TRIM16: variants seen among roughly 807,000 people sequenced by gnomAD.
The protein encoded by TRIM16 is tripartite motif-containing protein 16.
Under a neutral mutation model 50.4 loss-of-function variants are expected in TRIM16, and 33 were observed. The ratio of observed to expected loss-of-function variants is 0.65; its 90% CI spans 0.50 to 0.88. The LOEUF (loss-of-function observed/expected upper bound fraction) is 0.88, where lower values mean the gene tolerates loss of function less well. TRIM16 is among the 40% of genes least tolerant of loss of function. The pLI, the probability that TRIM16 is intolerant of heterozygous loss-of-function variation, is 0.00. For missense variants in TRIM16, 581 were observed against 686.8 expected, an observed-to-expected ratio of 0.85 and a Z score of 1.72; for synonymous variants, 229 against 270.7, an observed-to-expected ratio of 0.85 and a Z score of 1.51.
chr17:15,673,404 TA>T (rs1429927624), intron 6 of TRIM16, among the ~76,000 whole-genome samples: 1 of 152,206 alleles, frequency 6.6e-6, no homozygotes, highest in African/African-American at 2.4e-5. Flanking sequence ...CAAGCTGTAC[TA>T]ACACCGACTT....
At chr17:15,646,923 C>T (rs975752466) in intron 7 of TRIM16, among the ~76,000 whole-genome samples, 3 of 152,026 alleles carry the variant, frequency 2.0e-5, no homozygotes, top group South Asian at 2.1e-4. Context: ...AAACAAGTTA[C>T]GTAATACTGA....
chr17:15,635,587 G>A (rs1376895998), intron 9 of TRIM16, among the ~76,000 whole-genome samples: 6 of 120,002 alleles, frequency 5.0e-5, no homozygotes, highest in Admixed American at 1.7e-4. Flanking sequence ...CTGCTGGAGC[G>A]GTTTATAAAA....
chr17:15,665,482 C>G (rs1988458323), intron 6 of TRIM16, among the ~76,000 whole-genome samples: 1 of 152,034 alleles, frequency 6.6e-6, no homozygotes, highest in Non-Finnish European at 1.5e-5. Context: ...GCACTCCAGC[C>G]TAGGCGAGAG....
Position 15,683,145 on chromosome 17 carries a change from A to G in TRIM16, c.-886T>C. 1 of 1,548,822 alleles carries G rather than the reference A, an allele frequency of 6.5e-7. No homozygotes were observed. The highest frequency in any genetic ancestry group is 1.2e-5 in the South Asian group (1 of 83,878). ...ACGTATCTTCCTGGAAATTGCCAGC[A>G]TTCTACCAGAAACTGTGGTAAGAGG... On this transcript the variant is annotated 5_prime_UTR_variant, in exon 2 of 12. It removes an upstream start codon present in the reference 5' UTR. Transcript: ENST00000649191.
chr17:15,670,413 C>T (rs1988674967), intron 6 of TRIM16, among the ~76,000 whole-genome samples: 3 of 152,262 alleles, frequency 2.0e-5, no homozygotes, highest in South Asian at 2.1e-4. Flanking sequence ...TCCCCCACGT[C>T]GAAGCGTCCC....
At chr17:15,641,153 CCTAA>C (rs1168535669) in intron 8 of TRIM16, among the ~76,000 whole-genome samples, 1 of 147,862 alleles carries the variant, frequency 6.8e-6, no homozygotes, top group African/African-American at 2.5e-5. Flanking sequence ...GGCCCTCATT[CCTAA>C]ACCCTCCCAT....
rs767477577 is a variant in TRIM16, at chr17:15,636,278, G to C, written c.616-9C>G. ...ACCTCTGACACCGACACCTGGCAGGGGGTGGGGGTGGAAGGCAGCCAAACA... is the reference window on the plus strand; with the variant it reads ...ACCTCTGACACCGACACCTGGCAGGCGGTGGGGGTGGAAGGCAGCCAAACA... On this transcript the variant is annotated splice_polypyrimidine_tract_variant and intron_variant, in intron 8 of 11. Transcript: ENST00000649191. The C allele has an allele frequency of 6.2e-7, 1 of 1,607,958 alleles. No homozygotes were observed. The highest frequency in any genetic ancestry group is 1.4e-5 in the African/African-American group (1 of 73,692).
At chr17:15,668,516 G>A (rs965166170) in intron 6 of TRIM16, among the ~76,000 whole-genome samples, 1 of 152,142 alleles carries the variant, frequency 6.6e-6, no homozygotes, top group African/African-American at 2.4e-5. Flanking sequence ...GGTCTTGTAT[G>A]ATCTGAGCCA....
At chr17:15,651,033 G>T in intron 7 of TRIM16, 58 bp downstream of exon 7, 7 of 1,557,428 alleles carry the variant, frequency 4.5e-6, no homozygotes, top group Non-Finnish European at 6.1e-6. Flanking sequence ...GCAGCCAGCT[G>T]GGCACACCAT....
intron 6 of TRIM16, among the ~76,000 whole-genome samples, chr17:15,663,862 C>G (rs951269149): frequency 3.9e-5 from 6 of 152,184 alleles, no homozygotes; most frequent in Non-Finnish European, 8.8e-5. Context: ...AGATGCAGTG[C>G]TGTCATCAGC....
Position 15,651,137 on chromosome 17 carries a change from C to T in TRIM16, c.473G>A (p.Ser158Asn), listed in dbSNP as rs1222151822. The T allele has an allele frequency of 1.2e-6, 2 of 1,614,074 alleles. No homozygotes were observed. Among genetic ancestry groups the T allele is most frequent in the Non-Finnish European group, 1.7e-6 (2 of 1,179,982 alleles). ...ATCCAGGGAGACTATGGTGTGGCCA[C>T]TGTGCTCCTGGCAACAGTCCTGGCA... The part of the protein sequence containing the change: ...CICQDCCQEH[S>N]GHTIVSLDAA... Residue 158 changes from serine to asparagine, a missense_variant, in exon 7 of 12, where the codon AGT becomes AAT. Ser to Asn is a conservative substitution (Grantham distance 46). This residue lies in a region of TRIM16 where 450 missense variants were observed against 544.3 expected (regional missense o/e 0.83). Transcript: ENST00000649191.
At chr17:15,674,134 G>A (rs979298036) in intron 6 of TRIM16, among the ~76,000 whole-genome samples, 7 of 152,186 alleles carry the variant, frequency 4.6e-5, no homozygotes, top group African/African-American at 1.7e-4. Context: ...CACTTTGGGA[G>A]GCTGAGACGG....
intron 7 of TRIM16, among the ~76,000 whole-genome samples, chr17:15,645,692 C>T (rs1987338453): frequency 6.6e-6 from 1 of 152,214 alleles, no homozygotes; most frequent in Admixed American, 6.5e-5. Flanking sequence ...CCACTGAAGA[C>T]TGGGGGAATT....
At chr17:15,638,258 T>TTAAA (rs980557581) in intron 8 of TRIM16, among the ~76,000 whole-genome samples, 1 of 115,080 alleles carries the variant, frequency 8.7e-6, no homozygotes, top group African/African-American at 3.6e-5. Context: ...AAAATAAATT[T>TTAAA]AAAAAAAAAA....
chr17:15,664,528 G>A (rs1006084432), intron 6 of TRIM16, among the ~76,000 whole-genome samples: 2 of 152,078 alleles, frequency 1.3e-5, no homozygotes, highest in African/African-American at 4.8e-5. Flanking sequence ...GCAAAACACT[G>A]ATGTGATCCA....
At chr17:15,653,658 T>C (rs1987835860) in intron 6 of TRIM16, among the ~76,000 whole-genome samples, 1 of 152,196 alleles carries the variant, frequency 6.6e-6, no homozygotes, top group Non-Finnish European at 1.5e-5. Flanking sequence ...ATTACCTGTT[T>C]AAAGACTTTC....
At chr17:15,634,586 G>A (rs1409595857) in intron 9 of TRIM16, among the ~76,000 whole-genome samples, 1 of 144,434 alleles carries the variant, frequency 6.9e-6, no homozygotes, top group African/African-American at 2.6e-5. Context: ...AGCAGAGATC[G>A]TGCCATTGCA....
chr17:15,663,998 T>C (rs949781894), intron 6 of TRIM16, among the ~76,000 whole-genome samples: 4 of 152,170 alleles, frequency 2.6e-5, no homozygotes, highest in African/African-American at 9.7e-5. Context: ...GCAAACCATC[T>C]GCTAAAATGG....
intron 11 of TRIM16, among the ~76,000 whole-genome samples, chr17:15,630,629 C>A (rs1264999619): frequency 5.9e-5 from 9 of 152,024 alleles, no homozygotes; most frequent in Non-Finnish European, 1.3e-4. Context: ...GGCAACACAG[C>A]AAGGCTCCAT....
Sources: allele counts gnomAD v4.1 joint callset (sites outside exome capture counted in the v4.1 genomes callset), GRCh38; gene constraint gnomAD v4.1.1; regional missense constraint gnomAD v4.1.1; transcripts MANE v1.5; gene names NCBI Gene and HGNC (gene_info 2026-07-23, HGNC 2026-07-21).